Variants in ANTXRL observed in about 807,000 individuals in gnomAD.
ANTXRL encodes the protein anthrax toxin receptor-like.
In ANTXRL, 63 loss-of-function variants were observed where a neutral mutation model predicts 75.4. The ratio of observed to expected loss-of-function variants is 0.84; its 90% CI spans 0.68 to 1.03. ANTXRL has a LOEUF of 1.03. ANTXRL is among the 50% of genes least tolerant of loss of function. The pLI is 0.00. For missense variants in ANTXRL, 797 were observed against 789.4 expected (o/e 1.01, Z -0.12); for synonymous variants, 335 against 291.3 (o/e 1.15, Z -1.53).
intron 16 of ANTXRL, among the ~76,000 whole-genome samples, chr10:46,317,626 G>A (rs1838796688): frequency 6.6e-6 from 1 of 152,078 alleles, no homozygotes. Context: ...AGTGCTTTTT[G>A]GGAAAGTTTC....
In ANTXRL at chr10:46,297,417, TC is replaced by T; in HGVS notation, c.598del (p.Arg200GlyfsTer20). The T allele has an allele frequency of 6.5e-7, 1 of 1,535,914 alleles. No homozygotes were observed. Among genetic ancestry groups the T allele is most frequent in the Non-Finnish European group, 8.7e-7 (1 of 1,146,754 alleles). On this transcript the variant is annotated frameshift_variant, in exon 7 of 17. Transcript: ENST00000620264. LOFTEE classifies it high-confidence loss of function. ...QDTLREAQKA[R>X]KLGANVYTLG... The stretch of plus-strand genomic sequence containing the variant: ...CTTCTTTCCCTTAGGCTCAAAAGGC[TC>T]GGAAACTGGGGGCCAACGTTTACAC...
chr10:46,297,818 C>G lies in ANTXRL; in HGVS notation c.655-13C>G, dbSNP rs1554959344. The G allele has an allele frequency of 6.5e-7, 1 of 1,535,602 alleles. No individual in the cohort carries two copies. Among genetic ancestry groups the G allele is most frequent in the East Asian group, 2.4e-5 (1 of 40,926 alleles). The stretch of plus-strand genomic sequence containing the variant: ...TCCTGGTGGGGAGTCCAACCCAGCT[C>G]TGCTCTCTGTAGATAACAGCAATTG... On this transcript the variant is annotated splice_polypyrimidine_tract_variant and intron_variant, in intron 7 of 16. Coordinates refer to ENST00000620264, the MANE Select transcript of ANTXRL (RefSeq NM_001278688.3).
chr10:46,290,802 G>T (rs1236822284), intron 1 of ANTXRL, among the ~76,000 whole-genome samples: 1 of 151,770 alleles, frequency 6.6e-6, no homozygotes, highest in South Asian at 2.1e-4. Flanking sequence ...CTTTTTCGTT[G>T]TTGTTGTAGG....
chr10:46,287,133 TGAAAGGGCAG>T lies in ANTXRL; in HGVS notation c.-127_-118del, dbSNP rs1261085659. 5.7e-6 allele frequency: 7 copies of T among 1,232,070 alleles called. No homozygotes were observed. The highest frequency in any genetic ancestry group is 7.7e-6 in the Non-Finnish European group (7 of 911,052). 76.3% of individuals were successfully genotyped at this position (1,232,070 alleles called of 1,614,324 possible). On this transcript the variant is annotated 5_prime_UTR_variant, in exon 1 of 17. Coordinates refer to ENST00000620264, the MANE Select transcript of ANTXRL (RefSeq NM_001278688.3). ...GGTGGAGGGCCATAGTGTGCACTGGTGAAAGGGCAGGAGGAGGGGTGTGGCCCCGGGCATA... is the reference window on the plus strand; with the variant it reads ...GGTGGAGGGCCATAGTGTGCACTGGTGAGGAGGGGTGTGGCCCCGGGCATA...
At chr10:46,321,560 G>T (rs540558716) in intron 16 of ANTXRL, among the ~76,000 whole-genome samples, 2 of 152,082 alleles carry the variant, frequency 1.3e-5, no homozygotes, top group African/African-American at 2.4e-5. Flanking sequence ...TTCCAATGAG[G>T]TTCAAAGCAA....
chr10:46,309,327 A>T, intron 13 of ANTXRL, 125 bp downstream of exon 13: 2 of 1,491,750 alleles, frequency 1.3e-6, no homozygotes, highest in Non-Finnish European at 8.9e-7. Context: ...CCAGCTCATC[A>T]CGTGAGCCCA....
At chr10:46,293,445 T>C (rs1490948466) in intron 2 of ANTXRL, among the ~76,000 whole-genome samples, 3 of 131,142 alleles carry the variant, frequency 2.3e-5, no homozygotes, top group Admixed American at 7.9e-5. Context: ...GGTGCATGTG[T>C]ATGGGTGCAT....
intron 16 of ANTXRL, among the ~76,000 whole-genome samples, chr10:46,327,740 G>A (rs1361616974): frequency 2.6e-5 from 4 of 152,132 alleles, no homozygotes; most frequent in Non-Finnish European, 5.9e-5. Context: ...ATGGTCTGTG[G>A]AACACCTGTG....
intron 10 of ANTXRL, among the ~76,000 whole-genome samples, 196 bp downstream of exon 10, chr10:46,303,016 C>A (rs1213824758): frequency 1.2e-4 from 19 of 152,106 alleles, no homozygotes; most frequent in African/African-American, 4.6e-4. Context: ...GGGGAAGTAA[C>A]AAATCCATCT....
chr10:46,289,154 G>T (rs1836880910), intron 1 of ANTXRL, among the ~76,000 whole-genome samples: 1 of 152,120 alleles, frequency 6.6e-6, no homozygotes, highest in African/African-American at 2.4e-5. Flanking sequence ...TTAGCGTCCA[G>T]CTTATTCATG....
chr10:46,304,214 C>T (rs372120515), intron 10 of ANTXRL, among the ~76,000 whole-genome samples: 2 of 152,154 alleles, frequency 1.3e-5, no homozygotes, highest in Admixed American at 1.3e-4. Flanking sequence ...ACACTATCTC[C>T]TTGAATCCTC....
At chr10:46,301,338 G>T (rs1837729511) in intron 9 of ANTXRL, among the ~76,000 whole-genome samples, 1 of 152,256 alleles carries the variant, frequency 6.6e-6, no homozygotes, top group Admixed American at 6.5e-5. Flanking sequence ...ATGTCTAGTT[G>T]CTCAGAACAG....
rs1839422374 is a variant in ANTXRL at position 46,330,007 on chromosome 10, C to T, written c.1819C>T (p.Leu607=). Residue 607 remains leucine (L), a synonymous_variant, in exon 17 of 17, where the codon CTG becomes TTG. Coordinates refer to ENST00000620264, the MANE Select transcript of ANTXRL (RefSeq NM_001278688.3). ...GTGCTTGAGGCCTCCCTCCAGGATG[C>T]TGCCGCTGCTGTCCCCACTGCTCAG... ...ARCLRPPSRM[L]PLLSPLLRHT... The T allele has an allele frequency of 8.5e-6, 13 of 1,534,376 alleles. No individual in the cohort carries two copies. The East Asian group carries it at 2.0e-4, about 23-fold the overall frequency.
intron 9 of ANTXRL, 107 bp downstream of exon 9, chr10:46,298,169 G>A: frequency 9.7e-7 from 1 of 1,028,998 alleles, no homozygotes; most frequent in Non-Finnish European, 1.4e-6. Context: ...GATGTGTGTG[G>A]GGAGTGTGTG....
intron 12 of ANTXRL, among the ~76,000 whole-genome samples, chr10:46,308,871 G>A (rs1838257888): frequency 6.6e-6 from 1 of 152,138 alleles, no homozygotes. Flanking sequence ...AGTGAGGGTG[G>A]GATCATCAGA....
At chr10:46,323,796 A>G (rs1463249645) in intron 16 of ANTXRL, among the ~76,000 whole-genome samples, 3 of 152,158 alleles carry the variant, frequency 2.0e-5, no homozygotes, top group Non-Finnish European at 4.4e-5. Flanking sequence ...GGAGGCTGTC[A>G]TAAGGCCAGT....
chr10:46,329,949 C>A lies in ANTXRL; in HGVS notation c.1761C>A (p.Thr587=). ...CCAGCCGGGAGTGCCTCCCCCTCAC[C>A]TGCTCCTCCAGGTGCCGCCTCCCCC... ...LQPSRECLPL[T]CSSRCRLPPA... is the part of the protein sequence containing the mutation. Residue 587 remains threonine (T), a synonymous_variant, in exon 17 of 17, where the codon ACC becomes ACA. Coordinates refer to ENST00000620264, the MANE Select transcript of ANTXRL (RefSeq NM_001278688.3). The A allele has an allele frequency of 6.5e-7, 1 of 1,535,844 alleles. No individual in the cohort carries two copies. Among genetic ancestry groups the A allele is most frequent in the Non-Finnish European group, 8.7e-7 (1 of 1,146,722 alleles).
Position 46,299,882 on chromosome 10 carries a change from C to G in ANTXRL, c.796+1820C>G, listed in dbSNP as rs575174328. ...TTCCATGATTGGTCCTGGGCTCTGT[C>G]CCCGACCCCGCCTCTCCCCCATGCA... On this transcript the variant is annotated intron_variant, in intron 9 of 16. Coordinates refer to ENST00000620264, the MANE Select transcript of ANTXRL (RefSeq NM_001278688.3). Among the ~76,000 whole-genome samples the G allele has an allele frequency of 2.0e-5, 3 of 152,294 alleles. No homozygotes were observed. The South Asian group carries it at 6.2e-4, about 32-fold the overall frequency.
At chr10:46,293,360 AT>A (rs1837132139) in intron 2 of ANTXRL, among the ~76,000 whole-genome samples, 1 of 117,038 alleles carries the variant, frequency 8.5e-6, no homozygotes, top group African/African-American at 3.5e-5. Flanking sequence ...ATGTGTGTGC[AT>A]GTGAGTGTGC....
Sources: allele counts gnomAD v4.1 joint callset (sites outside exome capture counted in the v4.1 genomes callset), GRCh38; gene constraint gnomAD v4.1.1; transcripts MANE v1.5; gene names NCBI Gene and HGNC (gene_info 2026-07-23, HGNC 2026-07-21).